COMMD10: variants seen among roughly 807,000 people sequenced by gnomAD.
COMMD10 encodes the protein COMM domain containing 10.
A neutral mutation model predicts 28.9 loss-of-function variants in COMMD10; 33 were observed. That is an observed-to-expected ratio of 1.14 (90% CI 0.87 to 1.53). COMMD10 has a LOEUF of 1.53. Among genes scored for constraint, COMMD10 ranks in the 40% most tolerant of loss-of-function variants. The pLI, the probability that COMMD10 is intolerant of heterozygous loss-of-function variation, is 0.00. For synonymous variants in COMMD10, 110 were observed against 81.7 expected (o/e 1.35, Z -1.87); for missense variants, 310 against 233.4 (o/e 1.33, Z -2.14).
intron 4 of COMMD10, among the ~76,000 whole-genome samples, chr5:116,124,381 A>G (rs543597763): frequency 1.6e-4 from 24 of 152,196 alleles, no homozygotes; most frequent in African/African-American, 5.3e-4. Context: ...ATGCAGTTTT[A>G]AGTGAGTTTC....
At chr5:116,241,308 T>G (rs1251299703) in intron 5 of COMMD10, among the ~76,000 whole-genome samples, 1 of 152,168 alleles carries the variant, frequency 6.6e-6, no homozygotes, top group Non-Finnish European at 1.5e-5. Context: ...GAGGATTAGG[T>G]TAGACCCTGG....
intron 5 of COMMD10, among the ~76,000 whole-genome samples, chr5:116,287,782 G>A (rs1751257126): frequency 6.6e-6 from 1 of 151,422 alleles, no homozygotes; most frequent in African/African-American, 2.4e-5. Context: ...ACATCTCAAA[G>A]TTATAGTATT....
intron 5 of COMMD10, among the ~76,000 whole-genome samples, chr5:116,252,341 T>A (rs1453491297): frequency 2.8e-5 from 4 of 142,728 alleles, no homozygotes; most frequent in African/African-American, 8.1e-5. Context: ...TTGTTGCCAT[T>A]GCTTTTGGTG....
chr5:116,106,562 C>T (rs1472432114), intron 4 of COMMD10, among the ~76,000 whole-genome samples: 1 of 152,130 alleles, frequency 6.6e-6, no homozygotes, highest in Non-Finnish European at 1.5e-5. Context: ...TCTTTTTGAT[C>T]TGTCTAATAT....
chr5:116,277,174 C>T (rs753708670), intron 5 of COMMD10, among the ~76,000 whole-genome samples: 12 of 151,810 alleles, frequency 7.9e-5, no homozygotes, highest in Non-Finnish European at 1.6e-4. Context: ...GCTGTTGCTG[C>T]ATTGAATTCA....
intron 5 of COMMD10, among the ~76,000 whole-genome samples, chr5:116,240,772 A>G (rs1182438866): frequency 1.3e-5 from 2 of 152,194 alleles, no homozygotes; most frequent in African/African-American, 4.8e-5. Flanking sequence ...ATAAAGGTAG[A>G]ATAGTTGTTA....
At chr5:116,292,387 A>C in intron 6 of COMMD10, 64 bp from the exon 7 acceptor site, 1 of 1,119,624 alleles carries the variant, frequency 8.9e-7, no homozygotes. Context: ...GTGTCTGAAT[A>C]ACACTTGATA....
chr5:116,110,694 C>G (rs1271853041), intron 4 of COMMD10, among the ~76,000 whole-genome samples: 1 of 152,096 alleles, frequency 6.6e-6, no homozygotes, highest in Non-Finnish European at 1.5e-5. Context: ...GCAGGCTGTA[C>G]TGGAAGCATG....
At chr5:116,257,536 T>G (rs977402875) in intron 5 of COMMD10, among the ~76,000 whole-genome samples, 1 of 151,678 alleles carries the variant, frequency 6.6e-6, no homozygotes, top group African/African-American at 2.4e-5. Context: ...ACAGTTGGTT[T>G]GCTATTAATA....
chr5:116,188,187 T>G (rs1226380369), intron 5 of COMMD10, among the ~76,000 whole-genome samples: 2 of 152,148 alleles, frequency 1.3e-5, no homozygotes, highest in African/African-American at 4.8e-5. Context: ...AAATAACTTG[T>G]CTGTGACCTG....
At chr5:116,218,164 G>A (rs1331140195) in intron 5 of COMMD10, 1 of 868,200 alleles carries the variant, frequency 1.2e-6, no homozygotes, top group Non-Finnish European at 2.0e-6. Flanking sequence ...TCTTTGCAGG[G>A]GCCTTTTTAG....
intron 5 of COMMD10, among the ~76,000 whole-genome samples, chr5:116,160,436 A>G (rs998401885): frequency 1.3e-5 from 2 of 152,204 alleles, no homozygotes; most frequent in African/African-American, 2.4e-5. Flanking sequence ...TTAAAATGTG[A>G]AGAAGACAAG....
At position 116,277,611 on chromosome 5, in the gene COMMD10, T is replaced by G. The variant is rs189025273; in HGVS notation, c.511-13906T>G. Among the ~76,000 whole-genome samples, 3 of 152,120 alleles carry G rather than the reference T, an allele frequency of 2.0e-5. No individual in the cohort carries two copies. The East Asian group carries it at 5.8e-4, about 29-fold the overall frequency. ...GGATTTTCAGTTGCCTGTTGTATGA[T>G]AAACTCACTGCCCTTCATAACTTGA... On this transcript the variant is annotated intron_variant, in intron 5 of 6. Coordinates refer to ENST00000274458, the MANE Select transcript of COMMD10 (RefSeq NM_016144.4).
intron 5 of COMMD10, among the ~76,000 whole-genome samples, chr5:116,222,035 G>C (rs1418104648): frequency 6.6e-6 from 1 of 152,190 alleles, no homozygotes. Context: ...TGGTGCAGCA[G>C]ATAATACTGA....
intron 4 of COMMD10, among the ~76,000 whole-genome samples, chr5:116,112,322 C>A: frequency 6.6e-6 from 1 of 152,050 alleles, no homozygotes; most frequent in East Asian, 1.9e-4. Flanking sequence ...CAATCAATAT[C>A]TTTTTCCACC....
intron 5 of COMMD10, among the ~76,000 whole-genome samples, chr5:116,248,498 C>A (rs1054579309): frequency 6.6e-6 from 1 of 151,952 alleles, no homozygotes; most frequent in Non-Finnish European, 1.5e-5. Flanking sequence ...CTGATCTATG[C>A]CAGGTGTGCG....
At chr5:116,242,733 C>G (rs1278430450) in intron 5 of COMMD10, among the ~76,000 whole-genome samples, 1 of 152,098 alleles carries the variant, frequency 6.6e-6, no homozygotes, top group Non-Finnish European at 1.5e-5. Context: ...ATATATTGAG[C>G]TTTTCAGGTA....
chr5:116,087,435 A>C, intron 1 of COMMD10, 62 bp from the exon 2 acceptor site: 1 of 958,008 alleles, frequency 1.0e-6, no homozygotes, highest in South Asian at 1.3e-5. Context: ...ATAGACAACT[A>C]TAGAAAGTGC....
At chr5:116,137,663 C>A (rs1038359305) in intron 5 of COMMD10, among the ~76,000 whole-genome samples, 2 of 151,914 alleles carry the variant, frequency 1.3e-5, no homozygotes, top group East Asian at 3.9e-4. Flanking sequence ...AGCTCCTTAT[C>A]TTCTTTTTCA....
Sources: allele counts gnomAD v4.1 joint callset (sites outside exome capture counted in the v4.1 genomes callset), GRCh38; gene constraint gnomAD v4.1.1; transcripts MANE v1.5; gene names NCBI Gene and HGNC (gene_info 2026-07-23, HGNC 2026-07-21).